Variants in IPO5 observed in about 807,000 individuals in gnomAD.
IPO5 encodes importin-5.
In IPO5, 18 loss-of-function variants were observed where a neutral mutation model predicts 143.3. That is an observed-to-expected ratio of 0.13 (90% CI 0.09 to 0.19). The LOEUF is 0.19. Among genes scored for constraint, IPO5 ranks in the 10% least tolerant of loss-of-function variants. The probability of loss-of-function intolerance (pLI) is 1.00; values close to 1 mark genes in which losing one functional copy is unlikely to be tolerated. For synonymous variants in IPO5, 477 were observed against 465.7 expected (o/e 1.02, Z -0.31); for missense variants, 1,013 against 1,336.9 (o/e 0.76, Z 3.78).
rs988413450 is a variant in IPO5, at chr13:98,007,955, T to G, written c.1717-104T>G. 1.1e-5 allele frequency: 7 copies of G among 640,256 alleles called. No homozygotes were observed. The African/African-American group carries it at 1.3e-4, about 12-fold the overall frequency. The allele number at this position is 640,256 out of a possible 1,614,324, so 39.7% of individuals were successfully genotyped here. ...TATGATAGTTTATCTATGAAAGTTA[T>G]GACCTATGTGGGCAATGTAGTCGAT... On this transcript the variant is annotated intron_variant, in intron 17 of 28. Transcript: ENST00000651721.
intron 11 of IPO5, among the ~76,000 whole-genome samples, chr13:97,993,595 A>G (rs1887977483): frequency 6.6e-6 from 1 of 152,200 alleles, no homozygotes; most frequent in South Asian, 2.1e-4. Flanking sequence ...CTTACCAGTG[A>G]AGCCAAGATT....
Position 98,022,455 on chromosome 13 carries a change from A to G in IPO5, c.*633A>G, listed in dbSNP as rs1049360741. Reference sequence around the variant, plus strand: ...CATGTCTGGCAGTAGTCTCTCATTCACTCCTCAATAAACAACATTGAATAC... The same window carrying G: ...CATGTCTGGCAGTAGTCTCTCATTCGCTCCTCAATAAACAACATTGAATAC... On this transcript the variant is annotated 3_prime_UTR_variant, in exon 29 of 29. Transcript: ENST00000651721. 3 of 152,434 alleles carry G rather than the reference A, an allele frequency of 2.0e-5. No homozygotes were observed. The highest frequency in any genetic ancestry group is 4.4e-5 in the Non-Finnish European group (3 of 68,004). 9.4% of individuals were successfully genotyped at this position (152,434 alleles called of 1,614,324 possible).
At chr13:97,955,258 G>A (rs1884380303) in intron 2 of IPO5, among the ~76,000 whole-genome samples, 1 of 151,746 alleles carries the variant, frequency 6.6e-6, no homozygotes, top group Non-Finnish European at 1.5e-5. Flanking sequence ...TACCTAAGTG[G>A]CCAAATACCT....
intron 20 of IPO5, among the ~76,000 whole-genome samples, chr13:98,010,655 T>G (rs777824161): frequency 6.6e-6 from 1 of 152,148 alleles, no homozygotes; most frequent in Non-Finnish European, 1.5e-5. Flanking sequence ...AAAACAGATA[T>G]GGCAGGAAAA....
intron 26 of IPO5, 57 bp downstream of exon 26, chr13:98,018,761 C>G: frequency 6.5e-6 from 8 of 1,226,140 alleles, no homozygotes; most frequent in Non-Finnish European, 8.3e-6. Context: ...TGAATCCCTA[C>G]TTTACTCTCT....
chr13:97,994,128 A>G (rs1888038311), intron 11 of IPO5, among the ~76,000 whole-genome samples: 1 of 152,136 alleles, frequency 6.6e-6, no homozygotes. Context: ...CTAACATGCT[A>G]AAACCCCGTT....
chr13:97,959,033 G>A (rs910660349), intron 2 of IPO5, among the ~76,000 whole-genome samples: 8 of 151,842 alleles, frequency 5.3e-5, no homozygotes, highest in Admixed American at 1.3e-4. Flanking sequence ...TTAGCCAGAC[G>A]TGGTGGCGGG....
intron 2 of IPO5, among the ~76,000 whole-genome samples, chr13:97,960,654 G>A (rs1884796619): frequency 6.6e-6 from 1 of 151,688 alleles, no homozygotes; most frequent in African/African-American, 2.4e-5. Context: ...CACCTCCTGG[G>A]TTCAAGCAAT....
intron 18 of IPO5, among the ~76,000 whole-genome samples, chr13:98,009,210 G>T (rs1683478831): frequency 6.6e-6 from 1 of 152,196 alleles, no homozygotes; most frequent in African/African-American, 2.4e-5. Flanking sequence ...AAGAGGTGGG[G>T]CATGTGTCCA....
At chr13:97,972,032 C>T (rs1200754440) in intron 3 of IPO5, among the ~76,000 whole-genome samples, 1 of 152,088 alleles carries the variant, frequency 6.6e-6, no homozygotes, top group Non-Finnish European at 1.5e-5. Flanking sequence ...AATAATAATG[C>T]CATCAGCTTA....
rs537652115 is a variant in IPO5, at chr13:98,021,173, C to T, written c.3207+40C>T. 5 of 1,555,520 alleles carry T rather than the reference C, an allele frequency of 3.2e-6. No homozygotes were observed. The Admixed American group carries it at 8.7e-5, about 27-fold the overall frequency. ...TTGAATTGGGGAGGGGGAGATAAAACCTTTTTTTCTTTGTAGTCCTCTATG... is the reference window on the plus strand; with the variant it reads ...TTGAATTGGGGAGGGGGAGATAAAATCTTTTTTTCTTTGTAGTCCTCTATG... On this transcript the variant is annotated intron_variant, in intron 28 of 28. Transcript: ENST00000651721.
intron 9 of IPO5, 124 bp downstream of exon 9, chr13:97,990,661 A>T: frequency 7.4e-6 from 4 of 542,878 alleles, no homozygotes; most frequent in Non-Finnish European, 1.3e-5. Context: ...AGCAGTGAAC[A>T]AAACATGCAA....
intron 13 of IPO5, among the ~76,000 whole-genome samples, chr13:98,001,107 C>T (rs1044311411): frequency 6.6e-6 from 1 of 152,040 alleles, no homozygotes. Flanking sequence ...CTCCTGGCCT[C>T]AAGCAGTCCT....
At chr13:97,963,899 T>A (rs1012124180) in intron 2 of IPO5, among the ~76,000 whole-genome samples, 3 of 152,206 alleles carry the variant, frequency 2.0e-5, no homozygotes, top group Non-Finnish European at 4.4e-5. Context: ...CTAACTGGCA[T>A]GAGATGATAT....
chr13:98,005,258 C>A (rs540394322), intron 16 of IPO5, among the ~76,000 whole-genome samples: 2 of 151,572 alleles, frequency 1.3e-5, no homozygotes, highest in African/African-American at 4.8e-5. Context: ...GATGTAGTGG[C>A]GCAATCTCGG....
At chr13:97,971,729 G>A (rs1007377126) in intron 3 of IPO5, among the ~76,000 whole-genome samples, 21 of 152,048 alleles carry the variant, frequency 1.4e-4, no homozygotes, top group African/African-American at 4.3e-4. Flanking sequence ...TAGGAGGATC[G>A]CTTGAGCCCA....
chr13:98,012,494 A>C, intron 21 of IPO5, 152 bp downstream of exon 21: 1 of 591,572 alleles, frequency 1.7e-6, no homozygotes, highest in Middle Eastern at 4.2e-4. Flanking sequence ...GGTTCTCTGC[A>C]TGTGCCTTTG....
intron 27 of IPO5, among the ~76,000 whole-genome samples, chr13:98,020,462 A>G (rs1292713918): frequency 6.6e-6 from 1 of 152,166 alleles, no homozygotes; most frequent in Non-Finnish European, 1.5e-5. Context: ...TGCAGACTAC[A>G]TACTCCTGAC....
chr13:97,988,888 G>A (rs565550232), intron 6 of IPO5, among the ~76,000 whole-genome samples, 174 bp from the exon 7 acceptor site: 4 of 150,208 alleles, frequency 2.7e-5, no homozygotes, highest in Non-Finnish European at 5.9e-5. Flanking sequence ...TAACATGATT[G>A]TGATGCCATT....
Sources: allele counts gnomAD v4.1 joint callset (sites outside exome capture counted in the v4.1 genomes callset), GRCh38; gene constraint gnomAD v4.1.1; transcripts MANE v1.5; gene names NCBI Gene and HGNC (gene_info 2026-07-23, HGNC 2026-07-21).